SEC23A: variants seen among roughly 807,000 people sequenced by gnomAD.
SEC23A encodes protein transport protein Sec23A.
Under a neutral mutation model 103.7 loss-of-function variants are expected in SEC23A, and 56 were observed. That is an observed-to-expected ratio of 0.54 (90% CI 0.44 to 0.67). SEC23A has a LOEUF of 0.67. Ranked by LOEUF, SEC23A falls within the 30% of genes least tolerant of loss-of-function variation. The pLI is 0.00. For missense variants in SEC23A, 784 were observed against 936.4 expected (o/e 0.84, Z 2.12); for synonymous variants, 281 against 293.0 (o/e 0.96, Z 0.42).
In SEC23A at chr14:39,065,069, A is replaced by G. The variant is rs1886612727; in HGVS notation, c.1228-76T>C. Reference sequence around the variant, plus strand: ...TGTTCAACTACAGGTGTATAAGAATATAAGATATTCATCTATATTTAAAAC... The same window carrying G: ...TGTTCAACTACAGGTGTATAAGAATGTAAGATATTCATCTATATTTAAAAC... On this transcript the variant is annotated intron_variant, in intron 10 of 19. Transcript: ENST00000307712. 7.7e-6 allele frequency: 7 copies of G among 913,244 alleles called. No individual in the cohort carries two copies. In the East Asian group the frequency reaches 1.7e-4, roughly 22 times the overall value. The allele number at this position is 913,244 out of a possible 1,614,324, so 56.6% of individuals were successfully genotyped here.
intron 2 of SEC23A, among the ~76,000 whole-genome samples, chr14:39,095,634 C>A (rs975684903): frequency 6.6e-6 from 1 of 152,086 alleles, no homozygotes; most frequent in Admixed American, 6.6e-5. Context: ...TGGGTTGATA[C>A]ACATCCAGCA....
At chr14:39,046,123 C>T (rs1037378708) in intron 15 of SEC23A, among the ~76,000 whole-genome samples, 4 of 152,108 alleles carry the variant, frequency 2.6e-5, no homozygotes, top group Non-Finnish European at 5.9e-5. Context: ...GCTTCCCCTT[C>T]GCTTTCCGCC....
chr14:39,085,212 A>G (rs1887390073), intron 7 of SEC23A, among the ~76,000 whole-genome samples: 1 of 152,226 alleles, frequency 6.6e-6, no homozygotes, highest in South Asian at 2.1e-4. Flanking sequence ...AGGTTCCTGG[A>G]GGGTGGTGCC....
At chr14:39,053,527 T>A (rs997325764) in intron 14 of SEC23A, among the ~76,000 whole-genome samples, 8 of 149,646 alleles carry the variant, frequency 5.3e-5, no homozygotes, top group Admixed American at 3.3e-4. Context: ...TTTTTTTTTT[T>A]AAAAAAAAGG....
At position 39,048,668 on chromosome 14, in the gene SEC23A, A is replaced by G. The variant is rs1885933942; in HGVS notation, c.1721T>C (p.Phe574Ser). ...DPSSFRFSETFSLYPQFMFHL... is the reference protein window; with the variant it reads ...DPSSFRFSETSSLYPQFMFHL... ...CCTACTTACCTGTGGATAAAGGGAG[A>G]AAGTTTCTGAAAATCTGAAGGAACT... is the stretch of plus-strand genomic sequence containing the variant. The change falls in exon 15 of 20, where the codon TTC becomes TCC. Residue 574 changes from phenylalanine to serine, a missense_variant. Physicochemically the swap from Phe to Ser is radical, Grantham distance 155 (BLOSUM62 -2). Around this residue, in one of 2 missense-constraint regions of SEC23A, gnomAD observed 683 missense variants for 774.2 expected, o/e 0.88. Transcript: ENST00000307712. 2 of 1,595,372 alleles carry G rather than the reference A, an allele frequency of 1.3e-6. No individual in the cohort carries two copies. Among genetic ancestry groups the G allele is most frequent in the South Asian group, 1.1e-5 (1 of 90,722 alleles).
Position 39,092,569 on chromosome 14 carries a change from T to G in SEC23A, c.338A>C (p.Gln113Pro). The change falls in exon 4 of 20, where the codon CAG becomes CCG. Residue 113 changes from glutamine (Q) to proline (P), a missense_variant. By Grantham distance (76) the Gln-to-Pro change is moderately conservative. Around this residue, in one of 2 missense-constraint regions of SEC23A, gnomAD observed 683 missense variants for 774.2 expected, o/e 0.88. Transcript: ENST00000307712. ...ELNQPAELLPQFSSIEYVVLR... is the reference protein window; with the variant it reads ...ELNQPAELLPPFSSIEYVVLR... ...AACTACATATTCAATGCTAGAAAACTGAGGTAAAAGTTCAGCAGGCTGATT... is the reference window on the plus strand; with the variant it reads ...AACTACATATTCAATGCTAGAAAACGGAGGTAAAAGTTCAGCAGGCTGATT... 1.2e-6 allele frequency: 2 copies of G among 1,610,400 alleles called. No individual in the cohort carries two copies. The highest frequency in any genetic ancestry group is 1.7e-6 in the Non-Finnish European group (2 of 1,177,258).
chr14:39,039,513 G>T, intron 18 of SEC23A: 1 of 173,892 alleles, frequency 5.8e-6, no homozygotes, highest in Non-Finnish European at 1.2e-5. Flanking sequence ...AACCACAGGT[G>T]ATTCTATGAG....
chr14:39,088,197 T>C lies in SEC23A; in HGVS notation c.604-1189A>G, dbSNP rs541210877. On this transcript the variant is annotated intron_variant, in intron 5 of 19. Coordinates refer to ENST00000307712, the MANE Select transcript of SEC23A (RefSeq NM_006364.4). ...CAAAGGCCAGGCTCTTTTCAACTAA[T>C]AATAGGGAAAGAATAGGGAAATTTA... The C allele has an allele frequency of 2.6e-5, 4 of 152,062 alleles. No individual in the cohort carries two copies. The East Asian group carries it at 7.7e-4, about 29-fold the overall frequency. The allele number at this position is 152,062 out of a possible 1,614,324, so 9.4% of individuals were successfully genotyped here.
chr14:39,059,278 TAAAAAAAAA>T lies in SEC23A; in HGVS notation c.1505+2478_1505+2486del, dbSNP rs750853379. Among the ~76,000 whole-genome samples the T allele has an allele frequency of 3.8e-3, 270 of 71,828 alleles. 1 individual carries two copies. Among genetic ancestry groups the T allele is most frequent in the East Asian group, 0.032 (66 of 2,056 alleles). 47.1% of individuals were successfully genotyped at this position (71,828 alleles called of 152,430 possible). ...GGCCCCTAAAGTCATAGTCCTAGTT[TAAAAAAAAA>T]AAAAAAAAAAAAAAAAAAAAAAACA... On this transcript the variant is annotated intron_variant, in intron 13 of 19. Transcript: ENST00000307712.
Position 39,040,738 on chromosome 14 carries a change from G to A in SEC23A, c.2136C>T (p.Gly712=). The change falls in exon 18 of 20, where the codon GGC becomes GGT. Residue 712 remains glycine (G), a synonymous_variant. Coordinates refer to ENST00000307712, the MANE Select transcript of SEC23A (RefSeq NM_006364.4). ...MPRYIDTEHG[G]SQARFLLSKV... ...ACAAATTAACACTACTTACCTGGCT[G>A]CCTCCATGTTCAGTGTCAATGTATC... 1 of 1,614,128 alleles carries A rather than the reference G, an allele frequency of 6.2e-7. No homozygotes were observed. The highest frequency in any genetic ancestry group is 8.5e-7 in the Non-Finnish European group (1 of 1,180,016).
intron 7 of SEC23A, among the ~76,000 whole-genome samples, 163 bp downstream of exon 7, chr14:39,085,599 A>G (rs573745683): frequency 2.0e-5 from 3 of 152,072 alleles, no homozygotes; most frequent in Admixed American, 2.0e-4. Flanking sequence ...TATGTGGGGG[A>G]AAACCATAGA....
At chr14:39,046,050 G>A (rs1474174079) in intron 15 of SEC23A, among the ~76,000 whole-genome samples, 1 of 152,132 alleles carries the variant, frequency 6.6e-6, no homozygotes, top group Non-Finnish European at 1.5e-5. Context: ...AGATCTGATG[G>A]TTTTATAAAT....
chr14:39,098,457 A>G (rs893379180), intron 1 of SEC23A, among the ~76,000 whole-genome samples: 1 of 152,108 alleles, frequency 6.6e-6, no homozygotes, highest in African/African-American at 2.4e-5. Context: ...CACGCCTACT[A>G]TGTACCCACA....
At chr14:39,086,219 A>C (rs942044322) in intron 6 of SEC23A, among the ~76,000 whole-genome samples, 2 of 152,200 alleles carry the variant, frequency 1.3e-5, no homozygotes, top group African/African-American at 4.8e-5. Flanking sequence ...CAATAAACGA[A>C]ACACTCAAAC....
intron 9 of SEC23A, among the ~76,000 whole-genome samples, chr14:39,071,011 G>A (rs1886823798): frequency 6.6e-6 from 1 of 150,952 alleles, no homozygotes; most frequent in Admixed American, 6.6e-5. Context: ...TGGGCAACAA[G>A]AGGGAAACTC....
intron 7 of SEC23A, among the ~76,000 whole-genome samples, chr14:39,080,377 A>T (rs28502115): frequency 0.23 from 35,621 of 152,228 alleles, 4,651 homozygotes; most frequent in Middle Eastern, 0.37. Context: ...ATAAAAAGCA[A>T]GCAAAGAAGA....
chr14:39,039,134 A>G, intron 18 of SEC23A, 38 bp from the exon 19 acceptor site: 1 of 1,561,498 alleles, frequency 6.4e-7, no homozygotes, highest in Non-Finnish European at 8.8e-7. Flanking sequence ...TCCATCAAAA[A>G]TGGTTTCAGT....
chr14:39,042,854 T>G lies in SEC23A; in HGVS notation c.1918A>C (p.Ser640Arg). Reference sequence around the variant, plus strand: ...AGAATACGATCTGCAAGAATGCTACTGCTATCAAGAAGAACCGGCTAACGT... The same window carrying G: ...AGAATACGATCTGCAAGAATGCTACGGCTATCAAGAAGAACCGGCTAACGT... ...GPPEPVLLDS[S>R]SILADRILLM... The change falls in exon 17 of 20, where the codon AGT becomes CGT. Residue 640 changes from serine to arginine, a missense_variant. Ser to Arg is a moderately radical substitution (Grantham distance 110). Around this residue, in one of 2 missense-constraint regions of SEC23A, gnomAD observed 101 missense variants for 162.2 expected, o/e 0.62. Coordinates refer to ENST00000307712, the MANE Select transcript of SEC23A (RefSeq NM_006364.4). 1 of 1,611,824 alleles carries G rather than the reference T, an allele frequency of 6.2e-7. No individual in the cohort carries two copies. The highest frequency in any genetic ancestry group is 8.5e-7 in the Non-Finnish European group (1 of 1,178,072).
At chr14:39,076,163 A>G in intron 7 of SEC23A, 70 bp from the exon 8 acceptor site, 2 of 1,103,530 alleles carry the variant, frequency 1.8e-6, no homozygotes, top group Non-Finnish European at 1.3e-6. Context: ...AATTTTTTAT[A>G]TATTCCTTCT....
Sources: gnomAD v4.1 joint callset for allele counts (sites outside exome capture counted in the v4.1 genomes callset) on GRCh38, gnomAD v4.1.1 for gene constraint, gnomAD v4.1.1 regional missense constraint, MANE v1.5 for transcripts, NCBI Gene and HGNC (gene_info 2026-07-23, HGNC 2026-07-21) for gene names.